TCHH: variants seen among roughly 807,000 people sequenced by gnomAD.
TCHH encodes trichohyalin.
TCHH carries 6 observed loss-of-function variants against 6.3 expected under a neutral mutation model. That is an observed-to-expected ratio of 0.95 (90% CI 0.52 to 1.88). The LOEUF (loss-of-function observed/expected upper bound fraction) is 1.88. Among genes scored for constraint, TCHH ranks in the 40% most tolerant of loss-of-function variants. TCHH has a pLI of 0.01. For synonymous variants in TCHH, 1,087 were observed against 963.6 expected, an observed-to-expected ratio of 1.13 and a Z score of -2.37; for missense variants, 2,920 against 2,449.1, an observed-to-expected ratio of 1.19 and a Z score of -4.06.
chr1:152,112,201 A>T lies in TCHH; in HGVS notation c.1016T>A (p.Leu339Gln), dbSNP rs199649490. 8.9e-6 allele frequency: 13 copies of T among 1,468,622 alleles called. 1 individual carries two copies. The Middle Eastern group carries it at 7.2e-4, about 81-fold the overall frequency. 91.0% of individuals were successfully genotyped at this position (1,468,622 alleles called of 1,614,324 possible). The change falls in exon 3 of 3, where the codon CTG (leucine) becomes CAG (glutamine). Residue 339 changes from leucine to glutamine, a missense_variant. Physicochemically the swap from Leu to Gln is moderately radical, Grantham distance 113. Transcript: ENST00000614923. The part of the protein sequence containing the change: ...EQQEERREQQ[L>Q]RREQEERREQ... ...GCGCCTCTCCTCCTGCTCGCGCCTC[A>T]GCTGCTGCTCGCGCCTCTCCTCCTG...
rs528080158 is a variant in TCHH at position 152,111,671 on chromosome 1, C to T, written c.1546G>A (p.Glu516Lys). 17 of 1,567,696 alleles carry T rather than the reference C, an allele frequency of 1.1e-5. No individual in the cohort carries two copies. The highest frequency in any genetic ancestry group is 3.5e-5 in the Admixed American group (2 of 57,044). ...QLRREQEERR[E>K]QRLKRQEEEE... ...TCCTCCTGGCGCTTCAGCCGCTGCT[C>T]GCGCCTCTCCTCTTGCTCCCGCCTT... Residue 516 changes from glutamate to lysine, a missense_variant, in exon 3 of 3, where the codon GAG becomes AAG. Physicochemically the swap from Glu to Lys is moderately conservative, Grantham distance 56. Transcript: ENST00000614923.
In TCHH at chr1:152,111,450, CCGCTGCT is replaced by C. The variant is rs776352013; in HGVS notation, c.1760_1766del (p.Gln587ArgfsTer2). On this transcript the variant is annotated frameshift_variant, in exon 3 of 3. Coordinates refer to ENST00000614923, the MANE Select transcript of TCHH (RefSeq NM_007113.4). LOFTEE classifies it low-confidence loss of function (END_TRUNC). ...GCCTCTCTTCCTGCTCGCGCTTCAG[CCGCTGCT>C]GGCGCCTCTCCTCCTCGCGCTTCAG... 6.2e-7 allele frequency: 1 copy of C among 1,610,766 alleles called. No individual in the cohort carries two copies. Among genetic ancestry groups the C allele is most frequent in the Admixed American group, 1.7e-5 (1 of 59,722 alleles).
rs771854671 is a variant in TCHH, at chr1:152,112,632, A to G, written c.585T>C (p.Ser195=). ...ACTCCTCAGTTTCGTGACCTTTGCA[A>G]CTCTGCAGCTGCTCTTCCTCTGCAC... ...ERRAEEEQLQ[S]CKGHETEEFP... is the part of the protein sequence containing the mutation. Residue 195 remains serine (S), a synonymous_variant, in exon 3 of 3, where the codon AGT becomes AGC. Transcript: ENST00000614923. The G allele has an allele frequency of 1.9e-6, 3 of 1,604,062 alleles. No individual in the cohort carries two copies. The highest frequency in any genetic ancestry group is 1.1e-5 in the South Asian group (1 of 90,632).
rs1658241105 is a variant in TCHH, at chr1:152,109,444, A to T, written c.3773T>A (p.Leu1258Gln). The T allele has an allele frequency of 6.2e-7, 1 of 1,613,680 alleles. No individual in the cohort carries two copies. The highest frequency in any genetic ancestry group is 2.2e-5 in the East Asian group (1 of 44,878). The change falls in exon 3 of 3, where the codon CTG becomes CAG. Residue 1258 changes from leucine (L) to glutamine (Q), a missense_variant. Leu to Gln is a moderately radical substitution (Grantham distance 113, BLOSUM62 -2). Coordinates refer to ENST00000614923, the MANE Select transcript of TCHH (RefSeq NM_007113.4). ...ATCTTGCTGGGATTGTCTGTCGCGCAGCTGGGAATCTTCCAACTGCCGGAA... is the reference window on the plus strand; with the variant it reads ...ATCTTGCTGGGATTGTCTGTCGCGCTGCTGGGAATCTTCCAACTGCCGGAA... ...EQFRQLEDSQ[L>Q]RDRQSQQDLQ...
Position 152,111,581 on chromosome 1 carries a change from G to C in TCHH, c.1636C>G (p.Arg546Gly), listed in dbSNP as rs1435816657. 6.2e-7 allele frequency: 1 copy of C among 1,604,846 alleles called. No individual in the cohort carries two copies. The highest frequency in any genetic ancestry group is 1.1e-5 in the South Asian group (1 of 90,706). The change falls in exon 3 of 3, where the codon CGC (arginine) becomes GGC (glycine). Residue 546 changes from arginine to glycine, a missense_variant. Transcript: ENST00000614923. ...QQLRREQEER[R>G]EQLLKREEEK... ...TCCTCGCGCTTCAGCAGCTGCTCGC[G>C]CCTCTCCTCCTGCTCGCGTCTTAGT...
At position 152,107,642 on chromosome 1, in the gene TCHH, G is replaced by C. The variant is rs1363310545; in HGVS notation, c.5575C>G (p.Arg1859Gly). 6.2e-7 allele frequency: 1 copy of C among 1,613,908 alleles called. No homozygotes were observed. The highest frequency in any genetic ancestry group is 2.2e-5 in the East Asian group (1 of 44,892). ...TCTTGCCATAGTTCTTGTTCCTCACGACGACTCTTCTCCTGCGTGGCAAAC... is the reference window on the plus strand; with the variant it reads ...TCTTGCCATAGTTCTTGTTCCTCACCACGACTCTTCTCCTGCGTGGCAAAC... ...EQFATQEKSR[R>G]EEQELWQEEE... Residue 1859 changes from arginine (R) to glycine (G), a missense_variant, in exon 3 of 3, where the codon CGT (arginine) becomes GGT (glycine). Physicochemically the swap from Arg to Gly is moderately radical, Grantham distance 125. Coordinates refer to ENST00000614923, the MANE Select transcript of TCHH (RefSeq NM_007113.4).
In TCHH at chr1:152,112,792, T is replaced by C; in HGVS notation, c.425A>G (p.Gln142Arg). The C allele has an allele frequency of 6.2e-7, 1 of 1,614,014 alleles. No homozygotes were observed. Among genetic ancestry groups the C allele is most frequent in the Non-Finnish European group, 8.5e-7 (1 of 1,180,016 alleles). ...EPGQRRRQKRQEQERELAEGE... is the reference protein window; with the variant it reads ...EPGQRRRQKRREQERELAEGE... ...CTCAGCTAGCTCCCTCTCCTGTTCC[T>C]GCCTCTTCTGCCTGCGTCGTTGCCC... is the stretch of plus-strand genomic sequence containing the variant. Residue 142 changes from glutamine (Q) to arginine (R), a missense_variant, in exon 3 of 3, where the codon CAG becomes CGG. Transcript: ENST00000614923.
In TCHH at chr1:152,111,898, T is replaced by A. The variant is rs768448358; in HGVS notation, c.1319A>T (p.Gln440Leu). 5.6e-6 allele frequency: 9 copies of A among 1,599,530 alleles called. No individual in the cohort carries two copies. Among genetic ancestry groups the A allele is most frequent in the Non-Finnish European group, 6.8e-6 (8 of 1,176,632 alleles). Residue 440 changes from glutamine to leucine, a missense_variant, in exon 3 of 3, where the codon CAG (glutamine) becomes CTG (leucine). Physicochemically the swap from Gln to Leu is moderately radical, Grantham distance 113. Coordinates refer to ENST00000614923, the MANE Select transcript of TCHH (RefSeq NM_007113.4). The stretch of plus-strand genomic sequence containing the variant: ...CTTCAGCCGCTGCTCGCGCCTCTCC[T>A]GCTCGTGCTTCTGCTCGTGCCTCTC... ...EEERHEQKHE[Q>L]ERREQRLKRE... is the part of the protein sequence containing the mutation.
In TCHH at chr1:152,110,406, C is replaced by A; in HGVS notation, c.2811G>T (p.Gln937His). The A allele has an allele frequency of 6.2e-7, 1 of 1,613,982 alleles. No homozygotes were observed. The highest frequency in any genetic ancestry group is 8.5e-7 in the Non-Finnish European group (1 of 1,180,020). ...ERQYREEEQL[Q>H]QEEEQLLREE... is the part of the protein sequence containing the mutation. ...CTCTCAGCAGCTGCTCTTCCTCCTG[C>A]TGCAGCTGCTCTTCCTCGCGGTATT... is the stretch of plus-strand genomic sequence containing the variant. Residue 937 changes from glutamine (Q) to histidine (H), a missense_variant, in exon 3 of 3, where the codon CAG (glutamine) becomes CAT (histidine). By Grantham distance (24) the Gln-to-His change is conservative. Transcript: ENST00000614923.
intron 1 of TCHH, among the ~76,000 whole-genome samples, chr1:152,115,052 A>G (rs889971963): frequency 1.3e-5 from 2 of 152,220 alleles, no homozygotes; most frequent in Admixed American, 6.5e-5. Context: ...CTGTATGAAG[A>G]TGGCCCATAT....
chr1:152,112,472 G>C lies in TCHH; in HGVS notation c.745C>G (p.Arg249Gly). The stretch of plus-strand genomic sequence containing the variant: ...TCTTCCTTCCGGAGCACTGTCTCGC[G>C]CTTCCTCCACTCTTTCTCTTCTTCC... ...QEEEEKEWRK[R>G]ETVLRKEEEK... The change falls in exon 3 of 3, where the codon CGC (arginine) becomes GGC (glycine). Residue 249 changes from arginine (R) to glycine (G), a missense_variant. By Grantham distance (125) the Arg-to-Gly change is moderately radical. Transcript: ENST00000614923. 1 of 1,612,974 alleles carries C rather than the reference G, an allele frequency of 6.2e-7. No homozygotes were observed. Among genetic ancestry groups the C allele is most frequent in the Non-Finnish European group, 8.5e-7 (1 of 1,179,690 alleles).
chr1:152,109,956 C>T lies in TCHH; in HGVS notation c.3261G>A (p.Gln1087=). The change falls in exon 3 of 3, where the codon CAG becomes CAA. Residue 1087 remains glutamine, a synonymous_variant. Transcript: ENST00000614923. ...ERQYRKEEEL[Q]QEEEQLLREE... The stretch of plus-strand genomic sequence containing the variant: ...CTCTCAGCAGCTGCTCTTCCTCCTG[C>T]TGCAGCTCCTCTTCCTTCCGATATT... 1 of 1,583,678 alleles carries T rather than the reference C, an allele frequency of 6.3e-7. No homozygotes were observed. Among genetic ancestry groups the T allele is most frequent in the South Asian group, 1.1e-5 (1 of 87,552 alleles).
chr1:152,113,930 TGTTA>T lies in TCHH; in HGVS notation c.138+9_138+12del. On this transcript the variant is annotated intron_variant, in intron 2 of 2. Coordinates refer to ENST00000614923, the MANE Select transcript of TCHH (RefSeq NM_007113.4). ...CTCAAGTCAATAGATCTCATTTTCT[TGTTA>T]GTTCTTACCCGAAGCACAGCTCCAA... 1.2e-6 allele frequency: 2 copies of T among 1,606,454 alleles called. No individual in the cohort carries two copies. Among genetic ancestry groups the T allele is most frequent in the Non-Finnish European group, 8.5e-7 (1 of 1,177,950 alleles).
Position 152,107,259 on chromosome 1 carries a change from A to G in TCHH, c.*126T>C. ...GAGCGTAGTTTAAGATTTTGGAAGA[A>G]AAGACATTCTAATATCAGAGAGTTT... On this transcript the variant is annotated 3_prime_UTR_variant, in exon 3 of 3. Coordinates refer to ENST00000614923, the MANE Select transcript of TCHH (RefSeq NM_007113.4). 6 of 1,028,916 alleles carry G rather than the reference A, an allele frequency of 5.8e-6. No individual in the cohort carries two copies. The highest frequency in any genetic ancestry group is 8.4e-6 in the Non-Finnish European group (6 of 717,926). The allele number at this position is 1,028,916 out of a possible 1,614,324, so 63.7% of individuals were successfully genotyped here.
rs762649022 is a variant in TCHH, at chr1:152,109,752, T to G, written c.3465A>C (p.Arg1155Ser). Residue 1155 changes from arginine to serine, a missense_variant, in exon 3 of 3, where the codon AGA (arginine) becomes AGC (serine). Transcript: ENST00000614923. ...GGCGCCTTCTCTTCTCCGGTTCCTCTCTCAGCAGCTGCTCTTCCTCCTGCT... is the reference window on the plus strand; with the variant it reads ...GGCGCCTTCTCTTCTCCGGTTCCTCGCTCAGCAGCTGCTCTTCCTCCTGCT... The part of the protein sequence containing the change: ...EVQQEEEQLL[R>S]EEPEKRRRQE... 6 of 1,581,132 alleles carry G rather than the reference T, an allele frequency of 3.8e-6. No individual in the cohort carries two copies. The Admixed American group carries it at 1.0e-4, about 27-fold the overall frequency.
chr1:152,110,629 C>T lies in TCHH; in HGVS notation c.2588G>A (p.Arg863Lys). Residue 863 changes from arginine to lysine, a missense_variant, in exon 3 of 3, where the codon AGG becomes AAG. Physicochemically the swap from Arg to Lys is conservative, Grantham distance 26 (BLOSUM62 2). Transcript: ENST00000614923. Reference sequence around the variant, plus strand: ...GTCGCGGCGCTGCTCCTGGCTTCGCCTCCTCTCCTGATCCTCCTGGAGGCC... The same window carrying T: ...GTCGCGGCGCTGCTCCTGGCTTCGCTTCCTCTCCTGATCCTCCTGGAGGCC... ...EDGLQEDQER[R>K]RSQEQRRDQK... 1.2e-6 allele frequency: 2 copies of T among 1,612,400 alleles called. No individual in the cohort carries two copies. Among genetic ancestry groups the T allele is most frequent in the Non-Finnish European group, 8.5e-7 (1 of 1,179,558 alleles).
rs577448246 is a variant in TCHH, at chr1:152,108,151, C to T, written c.5066G>A (p.Arg1689His). ...TTCCTCTTCGCGGAATTTTCTGTCACGCTCTTGGCGGCGCAGCTGCTGTTC... is the reference window on the plus strand; with the variant it reads ...TTCCTCTTCGCGGAATTTTCTGTCATGCTCTTGGCGGCGCAGCTGCTGTTC... ...GEEQQLRRQE[R>H]DRKFREEEQQ... Residue 1689 changes from arginine (R) to histidine (H), a missense_variant, in exon 3 of 3, where the codon CGT becomes CAT. Coordinates refer to ENST00000614923, the MANE Select transcript of TCHH (RefSeq NM_007113.4). 77 of 1,611,976 alleles carry T rather than the reference C, an allele frequency of 4.8e-5. 2 individuals are homozygous for T. The South Asian group carries it at 7.5e-4, about 16-fold the overall frequency.
Position 152,109,746 on chromosome 1 carries a change from T to C in TCHH, c.3471A>G (p.Glu1157=), listed in dbSNP as rs1183322470. ...QQEEEQLLRE[E]PEKRRRQELE... The stretch of plus-strand genomic sequence containing the variant: ...GCTCCTGGCGCCTTCTCTTCTCCGG[T>C]TCCTCTCTCAGCAGCTGCTCTTCCT... The change falls in exon 3 of 3, where the codon GAA becomes GAG. Residue 1157 remains glutamate, a synonymous_variant. Coordinates refer to ENST00000614923, the MANE Select transcript of TCHH (RefSeq NM_007113.4). 6.3e-7 allele frequency: 1 copy of C among 1,578,994 alleles called. No homozygotes were observed. Among genetic ancestry groups the C allele is most frequent in the South Asian group, 1.1e-5 (1 of 89,880 alleles).
Position 152,109,686 on chromosome 1 carries a change from C to G in TCHH, c.3531G>C (p.Gln1177His). ...CTCTCAGCAGCTGCTCTTCCTCCTG[C>G]TGCAGCTCCTCTTCCTCGCGGTATT... ...ERQYREEEEL[Q>H]QEEEQLLREE... Residue 1177 changes from glutamine (Q) to histidine (H), a missense_variant, in exon 3 of 3, where the codon CAG becomes CAC. Gln to His is a conservative substitution (Grantham distance 24). Coordinates refer to ENST00000614923, the MANE Select transcript of TCHH (RefSeq NM_007113.4). 2.5e-6 allele frequency: 4 copies of G among 1,608,884 alleles called. No homozygotes were observed. Among genetic ancestry groups the G allele is most frequent in the Non-Finnish European group, 3.4e-6 (4 of 1,177,076 alleles).
Sources: gnomAD v4.1 joint callset for allele counts (sites outside exome capture counted in the v4.1 genomes callset) on GRCh38, gnomAD v4.1.1 for gene constraint, MANE v1.5 for transcripts, NCBI Gene and HGNC (gene_info 2026-07-23, HGNC 2026-07-21) for gene names.